The following ABCC5 variants were observed in gnomAD, a reference collection of about 807,000 sequenced individuals.
ABCC5 encodes ATP binding cassette subfamily C member 5, also known as ATP-binding cassette sub-family C member 5.
A neutral mutation model predicts 160.9 loss-of-function variants in ABCC5; 61 were observed. That is an observed-to-expected ratio of 0.38 (90% CI 0.31 to 0.47). The LOEUF (loss-of-function observed/expected upper bound fraction) is 0.47, where lower values mean the gene tolerates loss of function less well. Ranked by LOEUF, ABCC5 falls within the 20% of genes least tolerant of loss-of-function variation. The pLI is 0.99. For missense variants in ABCC5, 1,308 were observed against 1,813.3 expected, an observed-to-expected ratio of 0.72 and a Z score of 5.06; for synonymous variants, 666 against 700.6, an observed-to-expected ratio of 0.95 and a Z score of 0.78.
intron 2 of ABCC5, among the ~76,000 whole-genome samples, chr3:183,992,702 C>A (rs1347189637): frequency 6.6e-6 from 1 of 151,812 alleles, no homozygotes; most frequent in Non-Finnish European, 1.5e-5. Flanking sequence ...AGCAGGAGAA[C>A]GGTGTGAACC....
chr3:183,985,385 A>G, intron 5 of ABCC5: 1 of 1,613,132 alleles, frequency 6.2e-7, no homozygotes, highest in Non-Finnish European at 8.5e-7. Context: ...AATTCTAAAG[A>G]ACAGCTTCTG....
chr3:183,964,037 C>T (rs1717011055), intron 14 of ABCC5, among the ~76,000 whole-genome samples: 1 of 152,222 alleles, frequency 6.6e-6, no homozygotes, highest in African/African-American at 2.4e-5. Context: ...GCCTCCAGTG[C>T]ACAATCCCCC....
chr3:183,982,748 C>T lies in ABCC5; in HGVS notation c.825+26G>A, dbSNP rs191986012. On this transcript the variant is annotated intron_variant, in intron 6 of 29. Transcript: ENST00000334444. This position sits in a 1 kb window ranked among gnomAD's most constrained non-coding sequence, Gnocchi z 5.2. The stretch of plus-strand genomic sequence containing the variant: ...CCTCAAGCTAGGAAGTTGCTCTCTG[C>T]TGTGAAGCAAACACCCCTCACTCAC... 6.2e-7 allele frequency: 1 copy of T among 1,611,698 alleles called. No homozygotes were observed. Among genetic ancestry groups the T allele is most frequent in the South Asian group, 1.1e-5 (1 of 90,996 alleles).
At chr3:183,957,920 AT>A (rs1716337565) in intron 17 of ABCC5, among the ~76,000 whole-genome samples, 1 of 149,236 alleles carries the variant, frequency 6.7e-6, no homozygotes, top group Non-Finnish European at 1.5e-5. Flanking sequence ...CCGTGTGTAT[AT>A]CACATCGGTT....
chr3:184,014,589 T>C (rs1722040725), intron 1 of ABCC5, 142 bp from the exon 2 acceptor site: 2 of 406,090 alleles, frequency 4.9e-6, no homozygotes, highest in African/African-American at 2.1e-5. Context: ...AAATTAATTT[T>C]CAAAAAAAGT....
rs199959386 is a variant in ABCC5, at chr3:183,951,488, G to T, written c.2897C>A (p.Thr966Asn). Residue 966 changes from threonine (T) to asparagine (N), a missense_variant, in exon 20 of 30, where the codon ACC becomes AAC. Physicochemically the swap from Thr to Asn is moderately conservative, Grantham distance 65. Transcript: ENST00000334444. The surrounding 1 kb of genome is among the most constrained non-coding windows in gnomAD (Gnocchi z 4.7). ...LRSPMKFFDT[T>N]PTGRILNRFS... ...CCTGTTGAGAATCCTCCCTGTGGGG[G>T]TCGTGTCAAAAAACTTCATAGGGCT... 21 of 1,614,190 alleles carry T rather than the reference G, an allele frequency of 1.3e-5. No homozygotes were observed. The African/African-American group carries it at 2.4e-4, about 18-fold the overall frequency.
intron 25 of ABCC5, among the ~76,000 whole-genome samples, chr3:183,938,576 C>G (rs1026480005): frequency 1.4e-4 from 22 of 152,130 alleles, no homozygotes; most frequent in African/African-American, 5.3e-4. Context: ...GGATTACAGG[C>G]GTGAGCCACC....
At chr3:183,934,648 G>A (rs1332453593) in intron 26 of ABCC5, among the ~76,000 whole-genome samples, 5 of 152,150 alleles carry the variant, frequency 3.3e-5, no homozygotes, top group Admixed American at 2.0e-4. Context: ...CCAGCTGCAC[G>A]CGCCCATGGT....
chr3:183,947,526 C>A lies in ABCC5; in HGVS notation c.3228-16G>T. ...CTCCTGGTATCTGTGAGAAAGACAA[C>A]ACTTAATGGGCAAAGAAAGTACTAC... On this transcript the variant is annotated splice_polypyrimidine_tract_variant and intron_variant, in intron 22 of 29. Transcript: ENST00000334444. 6.4e-7 allele frequency: 1 copy of A among 1,571,674 alleles called. No individual in the cohort carries two copies. The highest frequency in any genetic ancestry group is 8.7e-7 in the Non-Finnish European group (1 of 1,154,374).
chr3:183,937,900 C>T lies in ABCC5; in HGVS notation c.3854+1G>A, dbSNP rs777604310. ...AGACATGCAGGTGCTCAGGTCCTCA[C>T]CTGACAGTGCCACTGAACAGCACCG... On this transcript the variant is annotated splice_donor_variant, in intron 26 of 29. Transcript: ENST00000334444. LOFTEE classifies it high-confidence loss of function. 6.2e-7 allele frequency: 1 copy of T among 1,613,982 alleles called. No individual in the cohort carries two copies. The highest frequency in any genetic ancestry group is 1.1e-5 in the South Asian group (1 of 91,038).
rs902160497 is a variant in ABCC5, at chr3:183,949,534, G to A, written c.3227+219C>T. Among the ~76,000 whole-genome samples, 6 of 152,234 alleles carry A rather than the reference G, an allele frequency of 3.9e-5. No individual in the cohort carries two copies. The highest frequency in any genetic ancestry group is 1.9e-4 in the East Asian group (1 of 5,196). ...GCTGTGACTATAGGCACGTGATGCC[G>A]CATGCGGCCCAAATCTGTATTTCTG... On this transcript the variant is annotated intron_variant, in intron 22 of 29. Coordinates refer to ENST00000334444, the MANE Select transcript of ABCC5 (RefSeq NM_005688.4). The surrounding 1 kb of genome is among the most constrained non-coding windows in gnomAD (Gnocchi z 4.2).
intron 2 of ABCC5, among the ~76,000 whole-genome samples, chr3:183,989,752 A>G (rs926633060): frequency 1.3e-5 from 2 of 152,124 alleles, no homozygotes; most frequent in Non-Finnish European, 2.9e-5. Context: ...TGATGAGCCA[A>G]TACAGATTCA....
At chr3:183,994,663 C>G (rs754640381) in intron 2 of ABCC5, among the ~76,000 whole-genome samples, 1 of 151,990 alleles carries the variant, frequency 6.6e-6, no homozygotes, top group Non-Finnish European at 1.5e-5. Context: ...CGTGAGCCAC[C>G]GCACCTGGCC....
In ABCC5 at chr3:184,017,015, T is replaced by C. The variant is rs1388292642; in HGVS notation, c.-56+815A>G. Among the ~76,000 whole-genome samples, 1 of 152,204 alleles carries C rather than the reference T, an allele frequency of 6.6e-6. No homozygotes were observed. The highest frequency in any genetic ancestry group is 1.5e-5 in the Non-Finnish European group (1 of 68,026). Reference sequence around the variant, plus strand: ...AGGGATACGTATTTACCACACCCACTGTAATCCACTTGTTGCGTCTCCAAG... The same window carrying C: ...AGGGATACGTATTTACCACACCCACCGTAATCCACTTGTTGCGTCTCCAAG... On this transcript the variant is annotated intron_variant, in intron 1 of 29. Transcript: ENST00000334444. The surrounding 1 kb of genome is among the most constrained non-coding windows in gnomAD (Gnocchi z 4.5).
At chr3:183,936,473 C>G (rs1177689305) in intron 26 of ABCC5, among the ~76,000 whole-genome samples, 1 of 151,810 alleles carries the variant, frequency 6.6e-6, no homozygotes, top group East Asian at 1.9e-4. Flanking sequence ...AGGTTGGTAC[C>G]AATTTTTCTG....
chr3:183,931,345 G>A (rs948455574), intron 26 of ABCC5, among the ~76,000 whole-genome samples: 3 of 57,122 alleles, frequency 5.3e-5, no homozygotes, highest in Non-Finnish European at 1.1e-4. Context: ...TTTTTTTTTT[G>A]AGACAGAATC....
intron 2 of ABCC5, among the ~76,000 whole-genome samples, chr3:183,993,373 A>T (rs1050751899): frequency 6.6e-6 from 1 of 151,496 alleles, no homozygotes; most frequent in Non-Finnish European, 1.5e-5. Flanking sequence ...AGTCCCAGAT[A>T]CTCAGGAGGC....
Position 183,949,784 on chromosome 3 carries a change from C to T in ABCC5, c.3196G>A (p.Ala1066Thr). 3.7e-6 allele frequency: 6 copies of T among 1,614,138 alleles called. No individual in the cohort carries two copies. Among genetic ancestry groups the T allele is most frequent in the Admixed American group, 1.7e-5 (1 of 60,020 alleles). Residue 1066 changes from alanine (A) to threonine (T), a missense_variant, in exon 22 of 30, where the codon GCC (alanine) becomes ACC (threonine). Ala to Thr is a moderately conservative substitution (Grantham distance 58). Around this residue, in one of 3 missense-constraint regions of ABCC5, gnomAD observed 1,142 missense variants for 1,527.1 expected, o/e 0.75. Coordinates refer to ENST00000334444, the MANE Select transcript of ABCC5 (RefSeq NM_005688.4). This position sits in a 1 kb window ranked among gnomAD's most constrained non-coding sequence, Gnocchi z 4.2. ...AGAAACTCCTGCCCTTTATTGTAGG[C>T]GTGGATGGTGGCAAGGCCCTGTATG... ...SSIQGLATIH[A>T]YNKGQEFLHR... is the part of the protein sequence containing the mutation.
intron 25 of ABCC5, among the ~76,000 whole-genome samples, chr3:183,938,334 T>TGTCGCCCAGGCA (rs2108776119): frequency 6.6e-6 from 1 of 152,248 alleles, no homozygotes; most frequent in Admixed American, 6.5e-5. Flanking sequence ...AGTCTCACTC[T>TGTCGCCCAGGCA]GCTGCCCAGG....
Sources: gnomAD v4.1 joint callset for allele counts (sites outside exome capture counted in the v4.1 genomes callset) on GRCh38, gnomAD v4.1.1 for gene constraint, gnomAD v4.1.1 regional missense constraint, Gnocchi (gnomAD v3.1) non-coding constraint, MANE v1.5 for transcripts, NCBI Gene and HGNC (gene_info 2026-07-23, HGNC 2026-07-21) for gene names.